The following TCEA3 variants were observed in gnomAD, a reference collection of about 807,000 sequenced individuals.
The protein encoded by TCEA3 is transcription elongation factor A protein 3.
A neutral mutation model predicts 44.0 loss-of-function variants in TCEA3; 36 were observed. The observed-to-expected ratio is 0.82, with a 90% CI of 0.63 to 1.08. The LOEUF is 1.08. Ranked by LOEUF, TCEA3 falls within the 50% of genes least tolerant of loss-of-function variation. The pLI is 0.00. For missense variants in TCEA3, 392 were observed against 441.2 expected (o/e 0.89, Z 1.00); for synonymous variants, 162 against 159.7 (o/e 1.01, Z -0.11).
intron 9 of TCEA3, among the ~76,000 whole-genome samples, chr1:23,385,857 G>C (rs1638820459): frequency 6.6e-6 from 1 of 152,202 alleles, no homozygotes; most frequent in Non-Finnish European, 1.5e-5. Context: ...ATTGCAGGCA[G>C]AATGGTGTGG....
At chr1:23,393,764 G>C (rs1639132240) in intron 8 of TCEA3, 115 bp downstream of exon 8, 1 of 1,392,934 alleles carries the variant, frequency 7.2e-7, no homozygotes, top group Admixed American at 2.5e-5. Context: ...GATGAGGCTG[G>C]TTTGAAAAGC....
chr1:23,419,245 G>A, intron 1 of TCEA3, 106 bp from the exon 2 acceptor site: 1 of 802,792 alleles, frequency 1.2e-6, no homozygotes, highest in Non-Finnish European at 1.9e-6. Context: ...ACAGACATGT[G>A]GCCGAAGGAC....
chr1:23,387,425 GA>G lies in TCEA3; in HGVS notation c.820-7del. 2 of 1,590,916 alleles carry G rather than the reference GA, an allele frequency of 1.3e-6. No individual in the cohort carries two copies. Among genetic ancestry groups the G allele is most frequent in the Non-Finnish European group, 1.7e-6 (2 of 1,168,724 alleles). On this transcript the variant is annotated splice_region_variant and splice_polypyrimidine_tract_variant and intron_variant, in intron 8 of 10. Coordinates refer to ENST00000450454, the MANE Select transcript of TCEA3 (RefSeq NM_003196.3). ...AGTTCATCACTGGCCATTTCCTGGA[GA>G]AAAAAGAGTCTACCCTTCAGGGCTG...
Position 23,419,157 on chromosome 1 carries a change from G to A in TCEA3, c.70-18C>T. 6.3e-7 allele frequency: 1 copy of A among 1,581,776 alleles called. No individual in the cohort carries two copies. Among genetic ancestry groups the A allele is most frequent in the Non-Finnish European group, 8.6e-7 (1 of 1,162,548 alleles). On this transcript the variant is annotated intron_variant, in intron 1 of 10. Coordinates refer to ENST00000450454, the MANE Select transcript of TCEA3 (RefSeq NM_003196.3). ...GCCCCTTCCTGTGGGAGGCCACAAG[G>A]TGAGGACTGGGGCCTGGGTCCTGAC...
At chr1:23,390,187 G>A (rs1638977848) in intron 8 of TCEA3, among the ~76,000 whole-genome samples, 1 of 152,150 alleles carries the variant, frequency 6.6e-6, no homozygotes, top group Non-Finnish European at 1.5e-5. Flanking sequence ...AAAACAGCAG[G>A]GCCGGGCGCA....
Position 23,397,809 on chromosome 1 carries a change from G to T in TCEA3, c.590C>A (p.Ala197Glu). 1 of 1,613,934 alleles carries T rather than the reference G, an allele frequency of 6.2e-7. No individual in the cohort carries two copies. The change falls in exon 6 of 11, where the codon GCA becomes GAA. Residue 197 changes from alanine (A) to glutamate (E), a missense_variant. Physicochemically the swap from Ala to Glu is moderately radical, Grantham distance 107 (BLOSUM62 -1). Coordinates refer to ENST00000450454, the MANE Select transcript of TCEA3 (RefSeq NM_003196.3). ...VRDKCVEMLS[A>E]ALKADDDYKD... ...TCTCTCACCGTCCGCCTTCAGGGCT[G>T]CTGACAGCATCTCCACACACTTGTC... is the stretch of plus-strand genomic sequence containing the variant.
chr1:23,405,326 G>A (rs3889814), intron 5 of TCEA3, among the ~76,000 whole-genome samples: 101,456 of 152,094 alleles, frequency 0.67, 39,872 homozygotes, highest in Non-Finnish European at 0.87. Context: ...GCCTGGCACG[G>A]TGGCTCACAC....
Position 23,417,345 on chromosome 1 carries a change from T to C in TCEA3, c.284A>G (p.Lys95Arg), listed in dbSNP as rs1280360678. Residue 95 changes from lysine (K) to arginine (R), a missense_variant, in exon 4 of 11, where the codon AAG becomes AGG. Transcript: ENST00000450454. ...PKGEKGEEREKAKKKEKGLEC... is the reference protein window; with the variant it reads ...PKGEKGEERERAKKKEKGLEC... ...AAGCCCTTTTTCCTTCTTCTTTGCCTTTTCTCTTTCCTCTCCTTTTTCTCC... is the reference window on the plus strand; with the variant it reads ...AAGCCCTTTTTCCTTCTTCTTTGCCCTTTCTCTTTCCTCTCCTTTTTCTCC... 6.2e-7 allele frequency: 1 copy of C among 1,614,002 alleles called. No individual in the cohort carries two copies. The highest frequency in any genetic ancestry group is 8.5e-7 in the Non-Finnish European group (1 of 1,179,880).
In TCEA3 at chr1:23,414,430, T is replaced by C. The variant is rs1639829857; in HGVS notation, c.380+2819A>G. 2.0e-5 allele frequency among the ~76,000 whole-genome samples: 3 copies of C among 151,944 alleles called. No homozygotes were observed. In the South Asian group the frequency reaches 6.2e-4, roughly 32 times the overall value. The stretch of plus-strand genomic sequence containing the variant: ...GTTTTGTTTTGTTTTTAAGACGGAG[T>C]CTAGTTCTGTCGCCCAGGCTGGAGT... On this transcript the variant is annotated intron_variant, in intron 4 of 10. Transcript: ENST00000450454.
chr1:23,409,684 AC>A lies in TCEA3; in HGVS notation c.381-959del, dbSNP rs548242021. Among the ~76,000 whole-genome samples the A allele has an allele frequency of 7.0e-4, 106 of 151,284 alleles. 1 individual carries two copies. The East Asian group carries it at 0.019, about 28-fold the overall frequency. On this transcript the variant is annotated intron_variant, in intron 4 of 10. Transcript: ENST00000450454. ...TGCCTCAGCCTCCTGGGTAGCTGGG[AC>A]TTACAGGCGTGTGCCACCATGCCTA...
chr1:23,417,259 G>A lies in TCEA3; in HGVS notation c.370C>T (p.Pro124Ser), dbSNP rs1307826261. ...CCCAAAAAAGAATACCTGGTTTTGG[G>A]GTCTTCTCGTTTTTTCCTTGGTGGA... The part of the protein sequence containing the change: ...LSPPRKKRED[P>S]KTRRDSVDSK... The change falls in exon 4 of 11, where the codon CCC becomes TCC. Residue 124 changes from proline (P) to serine (S), a missense_variant. Transcript: ENST00000450454. The A allele has an allele frequency of 6.2e-7, 1 of 1,613,712 alleles. No homozygotes were observed. Among genetic ancestry groups the A allele is most frequent in the Non-Finnish European group, 8.5e-7 (1 of 1,179,832 alleles).
chr1:23,384,419 T>A lies in TCEA3; in HGVS notation c.967-2A>T. 6.2e-7 allele frequency: 1 copy of A among 1,612,368 alleles called. No homozygotes were observed. Among genetic ancestry groups the A allele is most frequent in the African/African-American group, 1.3e-5 (1 of 75,024 alleles). ...CTCATCAGCACTGCGTGTCTGCACC[T>A]GAGAGAGAGAAGAACCACTCATGAA... On this transcript the variant is annotated splice_acceptor_variant, in intron 9 of 10. Transcript: ENST00000450454. LOFTEE classifies it high-confidence loss of function.
intron 1 of TCEA3, 149 bp from the exon 2 acceptor site, chr1:23,419,288 A>C (rs543578702): frequency 1.8e-6 from 1 of 551,694 alleles, no homozygotes; most frequent in East Asian, 3.1e-5. Context: ...GAGAGACGAG[A>C]AACAATCTGT....
At chr1:23,383,263 G>C (rs1638723063) in intron 10 of TCEA3, among the ~76,000 whole-genome samples, 1 of 130,274 alleles carries the variant, frequency 7.7e-6, no homozygotes, top group African/African-American at 2.9e-5. Context: ...CTGGGCAACA[G>C]AGCGAGACTC....
Position 23,393,457 on chromosome 1 carries a change from C to T in TCEA3, c.819+422G>A, listed in dbSNP as rs116235487. ...CCCTCTACACACCTCACACATCATA[C>T]GTACCACATAGACACGCACTCCACA... is the stretch of plus-strand genomic sequence containing the variant. On this transcript the variant is annotated intron_variant, in intron 8 of 10. Transcript: ENST00000450454. 4.4e-3 allele frequency among the ~76,000 whole-genome samples: 665 copies of T among 152,186 alleles called. 3 individuals are homozygous for T. The highest frequency in any genetic ancestry group is 0.015 in the African/African-American group (636 of 41,520).
chr1:23,404,133 T>C, intron 5 of TCEA3: 1 of 702,384 alleles, frequency 1.4e-6, no homozygotes. Flanking sequence ...CTCGAGGGCA[T>C]TTCAGTTACT....
chr1:23,401,414 G>A lies in TCEA3; in HGVS notation c.444-3459C>T, dbSNP rs1056666933. 3.9e-5 allele frequency among the ~76,000 whole-genome samples: 6 copies of A among 151,908 alleles called. No homozygotes were observed. In the East Asian group the frequency reaches 5.8e-4, roughly 15 times the overall value. On this transcript the variant is annotated intron_variant, in intron 5 of 10. Transcript: ENST00000450454. Reference sequence around the variant, plus strand: ...GATTAATCTAGCCTTAATTCTACCCGACCCTGCCTGACAACTGGGTTGCCT... The same window carrying A: ...GATTAATCTAGCCTTAATTCTACCCAACCCTGCCTGACAACTGGGTTGCCT...
intron 4 of TCEA3, among the ~76,000 whole-genome samples, chr1:23,409,714 A>T (rs1639657260): frequency 6.6e-6 from 1 of 151,722 alleles, no homozygotes; most frequent in Admixed American, 6.6e-5. Flanking sequence ...ATGCCTAGCT[A>T]ATTTTTATAT....
intron 9 of TCEA3, among the ~76,000 whole-genome samples, chr1:23,386,252 C>A (rs1638831357): frequency 6.6e-6 from 1 of 152,182 alleles, no homozygotes; most frequent in African/African-American, 2.4e-5. Context: ...GTCACCCAGG[C>A]TGGAGTGCAG....
Sources: allele counts gnomAD v4.1 joint callset (sites outside exome capture counted in the v4.1 genomes callset), GRCh38; gene constraint gnomAD v4.1.1; transcripts MANE v1.5; gene names NCBI Gene and HGNC (gene_info 2026-07-23, HGNC 2026-07-21).